IMMP2L: variants seen among roughly 807,000 people sequenced by gnomAD.
The protein encoded by IMMP2L is inner mitochondrial membrane peptidase subunit 2.
In IMMP2L, 18 loss-of-function variants were observed where a neutral mutation model predicts 19.3. The ratio of observed to expected loss-of-function variants is 0.93; its 90% CI spans 0.64 to 1.38. The LOEUF (loss-of-function observed/expected upper bound fraction) is 1.38, where lower values mean the gene tolerates loss of function less well. Among genes scored for constraint, IMMP2L ranks in the 40% most tolerant of loss-of-function variants. The pLI is 0.00. For missense variants in IMMP2L, 233 were observed against 218.2 expected, an observed-to-expected ratio of 1.07 and a Z score of -0.43; for synonymous variants, 76 against 73.0, an observed-to-expected ratio of 1.04 and a Z score of -0.21.
chr7:111,138,792 A>G (rs569553364), intron 3 of IMMP2L, among the ~76,000 whole-genome samples: 85 of 152,298 alleles, frequency 5.6e-4, no homozygotes, highest in Admixed American at 1.4e-3. Flanking sequence ...GTTTTGCCAG[A>G]AAAAGAGTCC....
chr7:110,975,246 T>C (rs1043394710), intron 3 of IMMP2L, among the ~76,000 whole-genome samples: 39 of 152,098 alleles, frequency 2.6e-4, no homozygotes, highest in African/African-American at 8.4e-4. Context: ...GTATGGTAAA[T>C]GACCATTTGA....
chr7:111,120,875 A>C (rs1252269933), intron 3 of IMMP2L, among the ~76,000 whole-genome samples: 3 of 151,840 alleles, frequency 2.0e-5, no homozygotes, highest in Non-Finnish European at 4.4e-5. Flanking sequence ...AATCTAACTC[A>C]TTTGGTTGTA....
chr7:111,435,342 T>C (rs916850093), intron 3 of IMMP2L, among the ~76,000 whole-genome samples: 19 of 151,852 alleles, frequency 1.3e-4, no homozygotes, highest in Non-Finnish European at 1.0e-4. Context: ...CTTAGAATAC[T>C]ATGCAGTCAT....
intron 5 of IMMP2L, among the ~76,000 whole-genome samples, chr7:110,844,074 A>G (rs1292202234): frequency 6.6e-6 from 1 of 152,196 alleles, no homozygotes; most frequent in African/African-American, 2.4e-5. Flanking sequence ...CAGTTTTAAA[A>G]GATCACTGCC....
At chr7:111,094,149 AT>A (rs1179771697) in intron 3 of IMMP2L, among the ~76,000 whole-genome samples, 1 of 152,030 alleles carries the variant, frequency 6.6e-6, no homozygotes. Context: ...CCGAATCTGA[AT>A]TTTTTTGGGG....
chr7:110,884,578 A>G (rs1029501433), intron 5 of IMMP2L, among the ~76,000 whole-genome samples: 1 of 152,094 alleles, frequency 6.6e-6, no homozygotes, highest in African/African-American at 2.4e-5. Flanking sequence ...GTTAGCATAA[A>G]GATATTTCAC....
intron 3 of IMMP2L, among the ~76,000 whole-genome samples, chr7:111,147,269 T>A (rs1439463079): frequency 6.6e-6 from 1 of 152,122 alleles, no homozygotes; most frequent in Admixed American, 6.6e-5. Flanking sequence ...ATACATTCAC[T>A]GTTTTGAATC....
chr7:111,096,591 A>G (rs963567969), intron 3 of IMMP2L, among the ~76,000 whole-genome samples: 7 of 151,890 alleles, frequency 4.6e-5, no homozygotes, highest in South Asian at 2.1e-4. Flanking sequence ...CTACTCATCC[A>G]TATGTTTGTC....
intron 3 of IMMP2L, among the ~76,000 whole-genome samples, chr7:111,128,487 T>G (rs1251578733): frequency 2.0e-5 from 3 of 152,190 alleles, no homozygotes; most frequent in African/African-American, 7.2e-5. Context: ...ATTCACTATA[T>G]CTGCAGAAAC....
chr7:111,286,581 G>A (rs896712765), intron 3 of IMMP2L, among the ~76,000 whole-genome samples: 4 of 152,114 alleles, frequency 2.6e-5, no homozygotes, highest in African/African-American at 4.8e-5. Flanking sequence ...CATAGAGACC[G>A]TTTTGATAAG....
At chr7:111,349,923 C>G (rs939233833) in intron 3 of IMMP2L, among the ~76,000 whole-genome samples, 2 of 151,874 alleles carry the variant, frequency 1.3e-5, no homozygotes, top group African/African-American at 4.8e-5. Context: ...TGGCTCTCAT[C>G]TACTGCATGT....
At chr7:111,434,464 A>T (rs1355467600) in intron 3 of IMMP2L, among the ~76,000 whole-genome samples, 1 of 151,654 alleles carries the variant, frequency 6.6e-6, no homozygotes, top group African/African-American at 2.4e-5. Flanking sequence ...AGAAAAAAAA[A>T]AAATAACCCC....
intron 3 of IMMP2L, among the ~76,000 whole-genome samples, chr7:111,159,138 C>A (rs868605995): frequency 6.6e-6 from 1 of 152,078 alleles, no homozygotes; most frequent in Non-Finnish European, 1.5e-5. Flanking sequence ...TATTTAGAGA[C>A]GGAGTCTCGC....
intron 3 of IMMP2L, among the ~76,000 whole-genome samples, chr7:111,460,144 G>A (rs1840014041): frequency 6.6e-6 from 1 of 152,082 alleles, no homozygotes; most frequent in Admixed American, 6.6e-5. Flanking sequence ...AGAGAGGGTA[G>A]CCAGAGCCTC....
intron 1 of IMMP2L, among the ~76,000 whole-genome samples, chr7:111,556,037 C>CATATATATATATAT (rs1356609635): frequency 9.2e-6 from 1 of 108,236 alleles, no homozygotes; most frequent in Non-Finnish European, 1.8e-5. Context: ...TATATATATA[C>CATATATATATATAT]ATACCCAAAG....
chr7:110,944,523 G>A (rs1817058738), intron 4 of IMMP2L, among the ~76,000 whole-genome samples: 2 of 151,956 alleles, frequency 1.3e-5, no homozygotes. Context: ...GAGAGAGAAT[G>A]AGAATGTAGG....
intron 3 of IMMP2L, among the ~76,000 whole-genome samples, chr7:111,207,424 C>T (rs1810825400): frequency 6.6e-6 from 1 of 152,102 alleles, no homozygotes. Flanking sequence ...AAACTGCTTA[C>T]TCTTTCATTC....
chr7:111,105,535 T>C (rs1586298874), intron 3 of IMMP2L, among the ~76,000 whole-genome samples: 2 of 151,986 alleles, frequency 1.3e-5, no homozygotes, highest in South Asian at 4.1e-4. Flanking sequence ...ATCACAAAAA[T>C]GGGTTGCTGT....
At chr7:111,259,804 G>A (rs1817123453) in intron 3 of IMMP2L, among the ~76,000 whole-genome samples, 1 of 151,964 alleles carries the variant, frequency 6.6e-6, no homozygotes, top group South Asian at 2.1e-4. Flanking sequence ...ACCTTTATAA[G>A]TCATTTTCTA....
Sources: gnomAD v4.1 joint callset for allele counts (sites outside exome capture counted in the v4.1 genomes callset) on GRCh38, gnomAD v4.1.1 for gene constraint, MANE v1.5 for transcripts, NCBI Gene and HGNC (gene_info 2026-07-23, HGNC 2026-07-21) for gene names.